RFX2: variants seen among roughly 807,000 people sequenced by gnomAD.
RFX2 encodes the protein DNA-binding protein RFX2.
RFX2 carries 20 observed loss-of-function variants against 87.8 expected under a neutral mutation model. The observed-to-expected ratio is 0.23, with a 90% confidence interval of 0.16 to 0.33. The LOEUF is 0.33. RFX2 is among the 10% of genes least tolerant of loss of function. The pLI, the probability that RFX2 is intolerant of heterozygous loss-of-function variation, is 1.00. For synonymous variants in RFX2, 397 were observed against 431.3 expected (o/e 0.92, Z 0.98); for missense variants, 767 against 1,012.3 (o/e 0.76, Z 3.29).
chr19:6,040,323 T>C lies in RFX2; in HGVS notation c.261-82A>G. 7.0e-7 allele frequency: 1 copy of C among 1,428,464 alleles called. No homozygotes were observed. The highest frequency in any genetic ancestry group is 9.3e-7 in the Non-Finnish European group (1 of 1,071,226). The allele number at this position is 1,428,464 out of a possible 1,614,324, so 88.5% of individuals were successfully genotyped here. A position where few individuals can be genotyped will look rare whatever the true frequency, so the allele number is the denominator to read the frequency against. ...GAGTTCACAGATATCCAGCCAAACA[T>C]CACGTAAAAGCTGCAACCCAGAGAG... On this transcript the variant is annotated intron_variant, in intron 4 of 17. Transcript: ENST00000303657. The surrounding 1 kb of genome is among the most constrained non-coding windows in gnomAD (Gnocchi z 6.1).
Position 6,021,475 on chromosome 19 carries a change from C to G in RFX2, c.597+4688G>C, listed in dbSNP as rs2086809701. On this transcript the variant is annotated intron_variant, in intron 6 of 17. Coordinates refer to ENST00000303657, the MANE Select transcript of RFX2 (RefSeq NM_000635.4). This position sits in a 1 kb window ranked among gnomAD's most constrained non-coding sequence, Gnocchi z 5.7. ...GGATGGGGTCGCCGCCACGGAGGGA[C>G]TGGAGGGAGGACTGCAACGGTATAG... Among the ~76,000 whole-genome samples, 2 of 152,116 alleles carry G rather than the reference C, an allele frequency of 1.3e-5. No individual in the cohort carries two copies. The highest frequency in any genetic ancestry group is 1.3e-4 in the Admixed American group (2 of 15,270).
intron 13 of RFX2, among the ~76,000 whole-genome samples, chr19:6,003,098 C>T (rs891566498): frequency 2.6e-5 from 4 of 152,274 alleles, no homozygotes; most frequent in East Asian, 3.9e-4. Context: ...CTGAGGCCTG[C>T]GTGCTGCTGA....
chr19:6,026,493 GT>G lies in RFX2; in HGVS notation c.523-257del. The G allele has an allele frequency of 1.8e-6, 1 of 553,790 alleles. No homozygotes were observed. 34.3% of individuals were successfully genotyped at this position (553,790 alleles called of 1,614,324 possible). A position where few individuals can be genotyped will look rare whatever the true frequency, so the allele number is the denominator to read the frequency against. On this transcript the variant is annotated intron_variant, in intron 5 of 17. Transcript: ENST00000303657. This position sits in a 1 kb window ranked among gnomAD's most constrained non-coding sequence, Gnocchi z 4.5. ...GTCCAACAGAAGCAGCAGAAATCAT[GT>G]TGTAAAAACTTGCTACTGAACTTTA...
Position 6,047,338 on chromosome 19 carries a change from A to G in RFX2, c.90+69T>C. 1 of 1,219,484 alleles carries G rather than the reference A, an allele frequency of 8.2e-7. No individual in the cohort carries two copies. The highest frequency in any genetic ancestry group is 1.5e-5 in the African/African-American group (1 of 65,180). The allele number at this position is 1,219,484 out of a possible 1,614,324, so 75.5% of individuals were successfully genotyped here. On this transcript the variant is annotated intron_variant, in intron 2 of 17. Transcript: ENST00000303657. The surrounding 1 kb of genome is among the most constrained non-coding windows in gnomAD (Gnocchi z 4.2). ...GATTCCTCTCTTTGCAGATCTGAGC[A>G]GCTTTCAAACCCATAGAGATCGCGT... is the stretch of plus-strand genomic sequence containing the variant.
chr19:6,102,375 AATGAATGAAGG>A (rs1322811311), intron 1 of RFX2, among the ~76,000 whole-genome samples: 5 of 152,234 alleles, frequency 3.3e-5, no homozygotes, highest in Admixed American at 6.5e-5. Context: ...GCAATGAATA[AATGAATGAAGG>A]ATGAATGAAT....
intron 1 of RFX2, among the ~76,000 whole-genome samples, chr19:6,086,246 C>T (rs368869429): frequency 1.1e-3 from 164 of 152,196 alleles, no homozygotes; most frequent in African/African-American, 3.8e-3. Flanking sequence ...GGCCATGAGT[C>T]GCTTCCTGAC....
At chr19:6,067,158 G>T (rs2087526451) in intron 1 of RFX2, among the ~76,000 whole-genome samples, 1 of 152,176 alleles carries the variant, frequency 6.6e-6, no homozygotes, top group African/African-American at 2.4e-5. Context: ...CAAGAGGAAA[G>T]AATCTATTTA....
In RFX2 at chr19:6,007,178, G is replaced by T. The variant is rs369325504; in HGVS notation, c.1248-12C>A. On this transcript the variant is annotated splice_polypyrimidine_tract_variant and intron_variant, in intron 11 of 17. Transcript: ENST00000303657. The surrounding 1 kb of genome is among the most constrained non-coding windows in gnomAD (Gnocchi z 8.2). ...CGGGGTCTTCGTCACTGTGGAGGGAGGGGGGACAGGTGAGCTGTGGCCTGG... is the reference window on the plus strand; with the variant it reads ...CGGGGTCTTCGTCACTGTGGAGGGATGGGGGACAGGTGAGCTGTGGCCTGG... The T allele has an allele frequency of 4.3e-6, 7 of 1,611,260 alleles. No homozygotes were observed. The African/African-American group carries it at 6.7e-5, about 15-fold the overall frequency.
chr19:6,046,046 T>C (rs1381879261), intron 2 of RFX2, among the ~76,000 whole-genome samples: 1 of 152,152 alleles, frequency 6.6e-6, no homozygotes, highest in East Asian at 1.9e-4. Context: ...AACTTTTAGA[T>C]TCCAGATCGA....
At chr19:6,059,732 TACACAAACACACAC>T (rs1251358920) in intron 1 of RFX2, among the ~76,000 whole-genome samples, 1 of 151,450 alleles carries the variant, frequency 6.6e-6, no homozygotes, top group Non-Finnish European at 1.5e-5. Context: ...CATACACATA[TACACAAACACACAC>T]ACACAAACAC....
intron 12 of RFX2, among the ~76,000 whole-genome samples, chr19:6,006,730 G>A (rs145849096): frequency 0.016 from 2,479 of 150,770 alleles, 74 homozygotes; most frequent in African/African-American, 0.058. Flanking sequence ...GATTACAGAC[G>A]TGAGCAACCT....
chr19:6,044,128 T>G lies in RFX2; in HGVS notation c.180+65A>C. ...CAGAAAAGGATGCATCCTTCAGAGA[T>G]TGTTCTGGATTGCTGAGTGCTAACT... On this transcript the variant is annotated intron_variant, in intron 3 of 17. Coordinates refer to ENST00000303657, the MANE Select transcript of RFX2 (RefSeq NM_000635.4). The surrounding 1 kb of genome is among the most constrained non-coding windows in gnomAD (Gnocchi z 5.3). The G allele has an allele frequency of 2.3e-6, 2 of 874,194 alleles. No homozygotes were observed. The highest frequency in any genetic ancestry group is 3.1e-6 in the Non-Finnish European group (2 of 636,722). 54.2% of individuals were successfully genotyped at this position (874,194 alleles called of 1,614,324 possible).
rs190706687 is a variant in RFX2, at chr19:6,075,350, C to G, written c.-8-27846G>C. On this transcript the variant is annotated intron_variant, in intron 1 of 17. Transcript: ENST00000303657. ...CACAGTGGAGTGTTTGGCTTTCGCTCTGAGTGTGCTGGGAAGCTACTGGAA... is the reference window on the plus strand; with the variant it reads ...CACAGTGGAGTGTTTGGCTTTCGCTGTGAGTGTGCTGGGAAGCTACTGGAA... Among the ~76,000 whole-genome samples, 3 of 152,122 alleles carry G rather than the reference C, an allele frequency of 2.0e-5. No homozygotes were observed. The East Asian group carries it at 5.8e-4, about 29-fold the overall frequency.
chr19:6,091,448 CA>C (rs777847524), intron 1 of RFX2, among the ~76,000 whole-genome samples: 2,458 of 108,268 alleles, frequency 0.023, 44 homozygotes, highest in African/African-American at 0.064. Context: ...ACCCTATCTT[CA>C]AAAAAAAAAA....
In RFX2 at chr19:6,022,053, G is replaced by A. The variant is rs779249192; in HGVS notation, c.597+4110C>T. Among the ~76,000 whole-genome samples, 74 of 152,248 alleles carry A rather than the reference G, an allele frequency of 4.9e-4. 1 individual carries two copies. Among genetic ancestry groups the A allele is most frequent in the Admixed American group, 2.6e-3 (40 of 15,302 alleles). ...ATGAGAGGAGCAAGGAGGCGAGGAC[G>A]CAGTGGGGTTGGGGGCCGAGCGCCT... On this transcript the variant is annotated intron_variant, in intron 6 of 17. Transcript: ENST00000303657. The surrounding 1 kb of genome is among the most constrained non-coding windows in gnomAD (Gnocchi z 6.2).
At position 6,010,297 on chromosome 19, in the gene RFX2, T is replaced by G. The variant is rs2086643940; in HGVS notation, c.900-46A>C. ...CCATCATGAGGCCCAGCAGCCCTGC[T>G]GCGGGTGGGCCCAAAGACTGGGGGG... On this transcript the variant is annotated intron_variant, in intron 8 of 17. Coordinates refer to ENST00000303657, the MANE Select transcript of RFX2 (RefSeq NM_000635.4). This position sits in a 1 kb window ranked among gnomAD's most constrained non-coding sequence, Gnocchi z 5.0. The G allele has an allele frequency of 7.6e-7, 1 of 1,321,066 alleles. No homozygotes were observed. The highest frequency in any genetic ancestry group is 1.1e-6 in the Non-Finnish European group (1 of 945,980). 81.8% of individuals were successfully genotyped at this position (1,321,066 alleles called of 1,614,324 possible). A position where few individuals can be genotyped will look rare whatever the true frequency, so the allele number is the denominator to read the frequency against.
At position 6,063,058 on chromosome 19, in the gene RFX2, G is replaced by A. The variant is rs1440882501; in HGVS notation, c.-8-15554C>T. 2.0e-5 allele frequency among the ~76,000 whole-genome samples: 3 copies of A among 152,182 alleles called. No individual in the cohort carries two copies. Among genetic ancestry groups the A allele is most frequent in the South Asian group, 2.1e-4 (1 of 4,814 alleles). On this transcript the variant is annotated intron_variant, in intron 1 of 17. Coordinates refer to ENST00000303657, the MANE Select transcript of RFX2 (RefSeq NM_000635.4). This position sits in a 1 kb window ranked among gnomAD's most constrained non-coding sequence, Gnocchi z 4.0. ...CCCCTCCCGTGAGCTGCTGTGTCTC[G>A]TATCCCTCCTGTCCTGCCGCTCTCG...
Position 6,002,766 on chromosome 19 carries a change from G to C in RFX2, c.1605C>G (p.Asn535Lys), listed in dbSNP as rs2086509732. 1.9e-6 allele frequency: 3 copies of C among 1,614,016 alleles called. No individual in the cohort carries two copies. The highest frequency in any genetic ancestry group is 2.5e-6 in the Non-Finnish European group (3 of 1,179,958). Residue 535 changes from asparagine to lysine, a missense_variant, in exon 14 of 18, where the codon AAC becomes AAG. Physicochemically the swap from Asn to Lys is moderately conservative, Grantham distance 94. This residue lies in a region of RFX2 where 621 missense variants were observed against 873.0 expected (regional missense o/e 0.71). Coordinates refer to ENST00000303657, the MANE Select transcript of RFX2 (RefSeq NM_000635.4). The surrounding 1 kb of genome is among the most constrained non-coding windows in gnomAD (Gnocchi z 6.7). ...CGCGGTTGAGGTCGCTGAGCATCTGGTTGATCTGGGACGTGTTCTGCAGCA... is the reference window on the plus strand; with the variant it reads ...CGCGGTTGAGGTCGCTGAGCATCTGCTTGATCTGGGACGTGTTCTGCAGCA... Reference protein sequence around the residue: ...RAVLQNTSQINQMLSDLNRVD... With the variant: ...RAVLQNTSQIKQMLSDLNRVD...
At chr19:6,059,651 A>T (rs754607378) in intron 1 of RFX2, among the ~76,000 whole-genome samples, 2 of 152,162 alleles carry the variant, frequency 1.3e-5, no homozygotes, top group Non-Finnish European at 2.9e-5. Flanking sequence ...AGGAGTGGAC[A>T]TGAGAGTGTC....
Sources: allele counts gnomAD v4.1 joint callset (sites outside exome capture counted in the v4.1 genomes callset), GRCh38; gene constraint gnomAD v4.1.1; regional missense constraint gnomAD v4.1.1; non-coding constraint Gnocchi (gnomAD v3.1); transcripts MANE v1.5; gene names NCBI Gene and HGNC (gene_info 2026-07-23, HGNC 2026-07-21).